ASNS: variants seen among roughly 807,000 people sequenced by gnomAD.
ASNS encodes asparagine synthetase (glutamine-hydrolyzing).
Under a neutral mutation model 62.6 loss-of-function variants are expected in ASNS, and 37 were observed. The observed-to-expected ratio is 0.59, with a 90% CI of 0.45 to 0.78. The LOEUF (loss-of-function observed/expected upper bound fraction) is 0.78. ASNS is among the 30% of genes least tolerant of loss of function. The pLI, the probability that ASNS is intolerant of heterozygous loss-of-function variation, is 0.00. For synonymous variants in ASNS, 207 were observed against 237.9 expected, an observed-to-expected ratio of 0.87 and a Z score of 1.19; for missense variants, 520 against 682.4, an observed-to-expected ratio of 0.76 and a Z score of 2.65.
At chr7:97,894,555 C>A in the ASNS span, among the ~76,000 whole-genome samples, 3 of 143,782 alleles carry the variant, frequency 2.1e-5, no homozygotes, top group African/African-American at 5.2e-5. Context: ...ACAACTGTTA[C>A]CAAAGAAATA....
the ASNS span, among the ~76,000 whole-genome samples, chr7:97,880,015 T>C: frequency 6.6e-6 from 1 of 152,188 alleles, no homozygotes; most frequent in Non-Finnish European, 1.5e-5. Flanking sequence ...AAGCTTTCAA[T>C]AGGCATGTCA....
Position 97,854,648 on chromosome 7 carries a change from A to T in ASNS, c.1170T>A (p.Ser390Arg). 1 of 1,613,980 alleles carries T rather than the reference A, an allele frequency of 6.2e-7. No individual in the cohort carries two copies. Residue 390 changes from serine to arginine, a missense_variant, in exon 10 of 13, where the codon AGT becomes AGA. Physicochemically the swap from Ser to Arg is moderately radical, Grantham distance 110. Coordinates refer to ENST00000394308, the MANE Select transcript of ASNS (RefSeq NM_001673.5). ...APSPEKAEEESERLLRELYLF... is the reference protein window; with the variant it reads ...APSPEKAEEERERLLRELYLF... ...AATAGAGTTCCCTCAGAAGCCTCTCACTCTCCTCCTCGGCTTTTTCAGGAG... is the reference window on the plus strand; with the variant it reads ...AATAGAGTTCCCTCAGAAGCCTCTCTCTCTCCTCCTCGGCTTTTTCAGGAG...
At chr7:97,891,177 T>C in the ASNS span, among the ~76,000 whole-genome samples, 1 of 152,244 alleles carries the variant, frequency 6.6e-6, no homozygotes, top group Non-Finnish European at 1.5e-5. Context: ...ATGTCTCACA[T>C]GGATGGCAGC....
At chr7:97,888,593 A>C in the ASNS span, among the ~76,000 whole-genome samples, 1 of 152,162 alleles carries the variant, frequency 6.6e-6, no homozygotes, top group Non-Finnish European at 1.5e-5. Context: ...TTTATGGAAA[A>C]AGTTTGCCAT....
At chr7:97,860,552 C>T (rs1791665050) in intron 4 of ASNS, among the ~76,000 whole-genome samples, 1 of 152,136 alleles carries the variant, frequency 6.6e-6, no homozygotes, top group Non-Finnish European at 1.5e-5. Flanking sequence ...AAGCCAGTTC[C>T]AGTATTAGTA....
chr7:97,920,737 A>G, the ASNS span, among the ~76,000 whole-genome samples: 16 of 152,278 alleles, frequency 1.1e-4, no homozygotes, highest in Non-Finnish European at 2.1e-4. Flanking sequence ...GAACAAAAAA[A>G]GGAAATTAAA....
chr7:97,885,089 T>C, the ASNS span, among the ~76,000 whole-genome samples: 1 of 152,234 alleles, frequency 6.6e-6, no homozygotes, highest in Non-Finnish European at 1.5e-5. Context: ...ACAGGGTTTC[T>C]GTCTTCATAG....
the ASNS span, among the ~76,000 whole-genome samples, chr7:97,904,531 G>A: frequency 2.6e-5 from 4 of 152,164 alleles, no homozygotes; most frequent in Non-Finnish European, 5.9e-5. Flanking sequence ...TCACCAAGCA[G>A]GGAACAGAGG....
chr7:97,906,507 A>AT, the ASNS span: 1 of 174,734 alleles, frequency 5.7e-6, no homozygotes, highest in African/African-American at 2.4e-5. Context: ...CACAAATACA[A>AT]TTTTCACCTC....
the ASNS span, chr7:97,908,781 A>G: frequency 6.6e-6 from 1 of 152,188 alleles, no homozygotes; most frequent in African/African-American, 2.4e-5. Flanking sequence ...TATTATAGGT[A>G]TCCAAATACT....
the ASNS span, among the ~76,000 whole-genome samples, chr7:97,900,359 T>TAA: frequency 0.044 from 2,553 of 58,106 alleles, 134 homozygotes; most frequent in South Asian, 0.052. Flanking sequence ...AGACTTTGTC[T>TAA]CAAAAAAAAA....
At chr7:97,905,418 G>T in the ASNS span, among the ~76,000 whole-genome samples, 2 of 152,156 alleles carry the variant, frequency 1.3e-5, no homozygotes, top group African/African-American at 4.8e-5. Context: ...ACATGGATCT[G>T]GTAGTTCCAC....
chr7:97,858,149 A>T, intron 7 of ASNS, 129 bp downstream of exon 7: 2 of 1,238,464 alleles, frequency 1.6e-6, no homozygotes, highest in Non-Finnish European at 2.2e-6. Context: ...CTATTTTAAT[A>T]CAATCAATTT....
At chr7:97,922,424 A>G in the ASNS span, among the ~76,000 whole-genome samples, 3 of 151,526 alleles carry the variant, frequency 2.0e-5, no homozygotes, top group African/African-American at 7.4e-5. Context: ...GAGTAGAATG[A>G]TGGTTGCCAG....
chr7:97,869,460 TG>T (rs752963637), intron 2 of ASNS, among the ~76,000 whole-genome samples: 1 of 152,194 alleles, frequency 6.6e-6, no homozygotes, highest in Non-Finnish European at 1.5e-5. Context: ...ATTTAGTGGT[TG>T]GCTAGAGCTG....
intron 8 of ASNS, among the ~76,000 whole-genome samples, 176 bp from the exon 9 acceptor site, chr7:97,855,635 T>C (rs1320964784): frequency 6.6e-6 from 1 of 152,198 alleles, no homozygotes; most frequent in African/African-American, 2.4e-5. Flanking sequence ...ATGTACTTAA[T>C]CCAAAAGTAC....
chr7:97,861,015 A>C (rs1584466917), intron 4 of ASNS, among the ~76,000 whole-genome samples: 1 of 128,150 alleles, frequency 7.8e-6, no homozygotes, highest in African/African-American at 3.1e-5. Context: ...AAACTGATTC[A>C]TTTGATCCTT....
chr7:97,902,260 G>C, the ASNS span, among the ~76,000 whole-genome samples: 1 of 152,070 alleles, frequency 6.6e-6, no homozygotes, highest in Non-Finnish European at 1.5e-5. Context: ...GTGGCCCCTG[G>C]TGCTCATTTC....
the ASNS span, among the ~76,000 whole-genome samples, chr7:97,918,121 A>C: frequency 6.6e-6 from 1 of 152,158 alleles, no homozygotes; most frequent in East Asian, 1.9e-4. Context: ...GGGGGCAGAC[A>C]AGCAGGTAGG....
Sources: gnomAD v4.1 joint callset for allele counts (sites outside exome capture counted in the v4.1 genomes callset) on GRCh38, gnomAD v4.1.1 for gene constraint, MANE v1.5 for transcripts, NCBI Gene and HGNC (gene_info 2026-07-23, HGNC 2026-07-21) for gene names.